The following ATP2A3 variants were observed in gnomAD, a reference collection of about 807,000 sequenced individuals.
ATP2A3 encodes the protein sarcoplasmic/endoplasmic reticulum calcium ATPase 3.
ATP2A3 carries 61 observed loss-of-function variants against 106.8 expected under a neutral mutation model. The observed-to-expected ratio is 0.57, with a 90% CI of 0.46 to 0.71. The LOEUF is 0.71. Ranked by LOEUF, ATP2A3 falls within the 30% of genes least tolerant of loss-of-function variation. ATP2A3 has a pLI of 0.00. For missense variants in ATP2A3, 1,201 were observed against 1,423.5 expected (o/e 0.84, Z 2.52); for synonymous variants, 611 against 609.3 (o/e 1.00, Z -0.04).
chr17:3,964,281 G>T lies in ATP2A3; in HGVS notation c.11C>A (p.Ala4Glu). 1 of 1,269,288 alleles carries T rather than the reference G, an allele frequency of 7.9e-7. No individual in the cohort carries two copies. The highest frequency in any genetic ancestry group is 1.0e-6 in the Non-Finnish European group (1 of 994,032). The allele number at this position is 1,269,288 out of a possible 1,614,324, so 78.6% of individuals were successfully genotyped here. A position where few individuals can be genotyped will look rare whatever the true frequency, so the allele number is the denominator to read the frequency against. The change falls in exon 1 of 21, where the codon GCG becomes GAG. Residue 4 changes from alanine to glutamate, a missense_variant. Physicochemically the swap from Ala to Glu is moderately radical, Grantham distance 107. Transcript: ENST00000397041. The stretch of plus-strand genomic sequence containing the variant: ...CACGTCGGCGGCCGGGAGCAGATGC[G>T]CCGCCTCCATGCCGCCCGCCCGGCC... Reference protein sequence around the residue: MEAAHLLPAADVLR... With the variant: MEAEHLLPAADVLR...
In ATP2A3 at chr17:3,950,746, C is replaced by T. The variant is rs535269525; in HGVS notation, c.491G>A (p.Arg164His). 1.6e-5 allele frequency: 26 copies of T among 1,613,654 alleles called. No homozygotes were observed. Among genetic ancestry groups the T allele is most frequent in the African/African-American group, 9.3e-5 (7 of 74,990 alleles). ...AVGDKVPADL[R>H]LIEIKSTTLR... ...CGTGGTGGACTTGATCTCGATGAGG[C>T]GGAGGTCAGCAGGCACTTTGTCCCC... The change falls in exon 6 of 21, where the codon CGC becomes CAC. Residue 164 changes from arginine (R) to histidine (H), a missense_variant. Coordinates refer to ENST00000397041, the MANE Select transcript of ATP2A3 (RefSeq NM_005173.4).
At chr17:3,939,510 C>T (rs977457338) in intron 14 of ATP2A3, among the ~76,000 whole-genome samples, 9 of 151,962 alleles carry the variant, frequency 5.9e-5, no homozygotes, top group African/African-American at 1.4e-4. Flanking sequence ...AGCAATAGGC[C>T]GGGCGCGGTG....
At chr17:3,938,584 C>T (rs1008882018) in intron 14 of ATP2A3, among the ~76,000 whole-genome samples, 3 of 151,686 alleles carry the variant, frequency 2.0e-5, no homozygotes, top group Non-Finnish European at 2.9e-5. Flanking sequence ...CTCACTCTAT[C>T]GCCCAGGCTG....
chr17:3,964,426 G>A lies in ATP2A3; in HGVS notation c.-135C>T, dbSNP rs970331450. On this transcript the variant is annotated 5_prime_UTR_variant, in exon 1 of 21. Coordinates refer to ENST00000397041, the MANE Select transcript of ATP2A3 (RefSeq NM_005173.4). ...CCATGTCCGTGCTGGGACCTTACCC[G>A]ACGGCAGTGGCGGCGGCGGCCCCGG... 3.1e-6 allele frequency: 1 copy of A among 322,672 alleles called. No individual in the cohort carries two copies. The highest frequency in any genetic ancestry group is 4.7e-6 in the Non-Finnish European group (1 of 211,728). The allele number at this position is 322,672 out of a possible 1,614,324, so 20.0% of individuals were successfully genotyped here.
intron 14 of ATP2A3, among the ~76,000 whole-genome samples, chr17:3,938,829 G>T (rs1050927382): frequency 1.3e-4 from 20 of 152,250 alleles, no homozygotes; most frequent in Admixed American, 1.3e-4. Context: ...GAGCCACCGT[G>T]CCCGGCCAAG....
In ATP2A3 at chr17:3,924,683, G is replaced by C; in HGVS notation, c.*739C>G. ...GGGGAACCCTGAGTCCAGGAGGCGCGCGGGGCTGAGGCAGTCCAGCCAGGC... is the reference window on the plus strand; with the variant it reads ...GGGGAACCCTGAGTCCAGGAGGCGCCCGGGGCTGAGGCAGTCCAGCCAGGC... On this transcript the variant is annotated 3_prime_UTR_variant, in exon 21 of 21. Transcript: ENST00000397041. The surrounding 1 kb of genome is among the most constrained non-coding windows in gnomAD (Gnocchi z 6.4). The C allele has an allele frequency of 2.4e-6, 1 of 424,934 alleles. No individual in the cohort carries two copies. The highest frequency in any genetic ancestry group is 2.0e-5 in the African/African-American group (1 of 49,108). 26.3% of individuals were successfully genotyped at this position (424,934 alleles called of 1,614,324 possible). A position where few individuals can be genotyped will look rare whatever the true frequency, so the allele number is the denominator to read the frequency against.
Position 3,953,517 on chromosome 17 carries a change from C to A in ATP2A3, c.137-88G>T. On this transcript the variant is annotated intron_variant, in intron 2 of 20. Coordinates refer to ENST00000397041, the MANE Select transcript of ATP2A3 (RefSeq NM_005173.4). This position sits in a 1 kb window ranked among gnomAD's most constrained non-coding sequence, Gnocchi z 5.1. ...GGATGGCCCGGGAGACCTCCCGGCC[C>A]ATTCCCTCCCTGCACTCAGAAGAGG... is the stretch of plus-strand genomic sequence containing the variant. 2 of 1,528,498 alleles carry A rather than the reference C, an allele frequency of 1.3e-6. No individual in the cohort carries two copies. Among genetic ancestry groups the A allele is most frequent in the East Asian group, 2.3e-5 (1 of 43,564 alleles). The allele number at this position is 1,528,498 out of a possible 1,614,324, so 94.7% of individuals were successfully genotyped here. A position where few individuals can be genotyped will look rare whatever the true frequency, so the allele number is the denominator to read the frequency against.
At chr17:3,938,711 A>G (rs958453468) in intron 14 of ATP2A3, among the ~76,000 whole-genome samples, 29 of 152,004 alleles carry the variant, frequency 1.9e-4, no homozygotes, top group African/African-American at 7.0e-4. Context: ...TAATTTTTGT[A>G]TTTTTAGTGG....
At chr17:3,951,423 C>T (rs754965004) in intron 4 of ATP2A3, 34 bp from the exon 5 acceptor site, 55 of 1,613,052 alleles carry the variant, frequency 3.4e-5, no homozygotes, top group Non-Finnish European at 4.6e-5. Flanking sequence ...CAGTCTGTCC[C>T]TGCTGCCCCC....
intron 14 of ATP2A3, 109 bp from the exon 15 acceptor site, chr17:3,937,745 G>A: frequency 9.1e-7 from 1 of 1,096,712 alleles, no homozygotes; most frequent in African/African-American, 1.6e-5. Flanking sequence ...AAAGGAAGCA[G>A]ACAGTTAGAC....
intron 3 of ATP2A3, among the ~76,000 whole-genome samples, chr17:3,952,231 T>C (rs552190097): frequency 6.6e-5 from 10 of 152,242 alleles, no homozygotes; most frequent in African/African-American, 2.2e-4. Flanking sequence ...ATTACAGGCG[T>C]GCACCACCAC....
intron 3 of ATP2A3, 144 bp from the exon 4 acceptor site, chr17:3,951,829 T>C: frequency 1.2e-6 from 1 of 857,110 alleles, no homozygotes; most frequent in Admixed American, 2.1e-5. Flanking sequence ...GGGCCACTCC[T>C]CCGAGAAGGC....
At chr17:3,932,423 C>A (rs1007841414) in intron 17 of ATP2A3, among the ~76,000 whole-genome samples, 3 of 151,308 alleles carry the variant, frequency 2.0e-5, no homozygotes, top group African/African-American at 7.3e-5. Flanking sequence ...GGCTTACAGG[C>A]GTGAGCCACT....
intron 3 of ATP2A3, among the ~76,000 whole-genome samples, chr17:3,952,867 C>A (rs1043417785): frequency 6.6e-6 from 1 of 152,210 alleles, no homozygotes. Flanking sequence ...GCTGGGATTT[C>A]AATCATGAGC....
At position 3,942,466 on chromosome 17, in the gene ATP2A3, G is replaced by A. The variant is rs111722052; in HGVS notation, c.1545+140C>T. 8.6e-4 allele frequency: 1,091 copies of A among 1,273,716 alleles called. 6 individuals carry two copies. In the African/African-American group the frequency reaches 0.013, roughly 15 times the overall value. 78.9% of individuals were successfully genotyped at this position (1,273,716 alleles called of 1,614,324 possible). The stretch of plus-strand genomic sequence containing the variant: ...TGGCACCAACCACCCCTACACCACC[G>A]GTTAGAGGCAAAAGGGGCTCCTGAG... On this transcript the variant is annotated intron_variant, in intron 12 of 20. Coordinates refer to ENST00000397041, the MANE Select transcript of ATP2A3 (RefSeq NM_005173.4).
At position 3,950,788 on chromosome 17, in the gene ATP2A3, T is replaced by G. The variant is rs765702667; in HGVS notation, c.464-15A>C. On this transcript the variant is annotated splice_polypyrimidine_tract_variant and intron_variant, in intron 5 of 20. Coordinates refer to ENST00000397041, the MANE Select transcript of ATP2A3 (RefSeq NM_005173.4). ...TTTGTCCCCCACTGTGCGGGGAGAATGGCTTGGCTGAGGGTGGCTTTGGGC... is the reference window on the plus strand; with the variant it reads ...TTTGTCCCCCACTGTGCGGGGAGAAGGGCTTGGCTGAGGGTGGCTTTGGGC... The G allele has an allele frequency of 3.7e-6, 6 of 1,611,604 alleles. No homozygotes were observed. The highest frequency in any genetic ancestry group is 1.7e-5 in the Admixed American group (1 of 59,932).
intron 1 of ATP2A3, among the ~76,000 whole-genome samples, chr17:3,957,326 C>T (rs3786014): frequency 0.16 from 24,947 of 152,114 alleles, 2,865 homozygotes; most frequent in African/African-American, 0.31. Flanking sequence ...GTCTGGTTCT[C>T]GACCCCCTGC....
rs2052930322 is a variant in ATP2A3, at chr17:3,929,577, GTCCCGGGCTGGGA to G, written c.2745-145_2745-133del. The G allele has an allele frequency of 3.9e-6, 3 of 761,762 alleles. No homozygotes were observed. The highest frequency in any genetic ancestry group is 3.5e-5 in the African/African-American group (2 of 57,296). 47.2% of individuals were successfully genotyped at this position (761,762 alleles called of 1,614,324 possible). A position where few individuals can be genotyped will look rare whatever the true frequency, so the allele number is the denominator to read the frequency against. On this transcript the variant is annotated intron_variant, in intron 18 of 20. Transcript: ENST00000397041. This position sits in a 1 kb window ranked among gnomAD's most constrained non-coding sequence, Gnocchi z 4.3. ...TTGCCCGCTCGGCCTGCCAGGGCCTGTCCCGGGCTGGGACCCCTTTCTCTGCCCCTCAGACCTA... is the reference window on the plus strand; with the variant it reads ...TTGCCCGCTCGGCCTGCCAGGGCCTGCCCCTTTCTCTGCCCCTCAGACCTA...
At chr17:3,952,849 C>T (rs1273200014) in intron 3 of ATP2A3, among the ~76,000 whole-genome samples, 2 of 152,170 alleles carry the variant, frequency 1.3e-5, no homozygotes, top group South Asian at 2.1e-4. Flanking sequence ...GCCTTGGCCT[C>T]CCACAGTGCT....
Sources: gnomAD v4.1 joint callset for allele counts (sites outside exome capture counted in the v4.1 genomes callset) on GRCh38, gnomAD v4.1.1 for gene constraint, Gnocchi (gnomAD v3.1) non-coding constraint, MANE v1.5 for transcripts, NCBI Gene and HGNC (gene_info 2026-07-23, HGNC 2026-07-21) for gene names.